The following OR5BS1 variants were observed in gnomAD, a reference collection of about 807,000 sequenced individuals.
The protein encoded by OR5BS1 is olfactory receptor family 5 subfamily BS member 1.
At chr12:48,560,142 T>C in the OR5BS1 span, 1 of 401,666 alleles carries the variant, frequency 2.5e-6, no homozygotes, top group Non-Finnish European at 4.4e-6. Flanking sequence ...ACCTTCTTTC[T>C]AAGGGGGAGA....
chr12:48,562,564 G>A, the OR5BS1 span, among the ~76,000 whole-genome samples: 2 of 151,904 alleles, frequency 1.3e-5, no homozygotes, highest in African/African-American at 2.4e-5. Context: ...CTTGTTCCTC[G>A]GGGCAGCTCC....
the OR5BS1 span, chr12:48,559,934 C>G: frequency 2.5e-6 from 1 of 401,624 alleles, no homozygotes; most frequent in Non-Finnish European, 4.4e-6. Context: ...CTAGGACTGT[C>G]CAACAACCCT....
At chr12:48,561,217 G>A in the OR5BS1 span, among the ~76,000 whole-genome samples, 1 of 152,088 alleles carries the variant, frequency 6.6e-6, no homozygotes, top group Admixed American at 6.6e-5. Flanking sequence ...AGATTTGGGA[G>A]TTCGCAAAAA....
At chr12:48,561,117 A>C in the OR5BS1 span, among the ~76,000 whole-genome samples, 10 of 149,080 alleles carry the variant, frequency 6.7e-5, no homozygotes, top group Non-Finnish European at 1.0e-4. Flanking sequence ...AAAAAAAAAA[A>C]CAGAATCTAT....
Sources: gnomAD v4.1 joint callset for allele counts (sites outside exome capture counted in the v4.1 genomes callset) on GRCh38, gnomAD v4.1.1 for gene constraint, MANE v1.5 for transcripts, NCBI Gene and HGNC (gene_info 2026-07-23, HGNC 2026-07-21) for gene names.